The following ADGRD1 variants were observed in gnomAD, a reference collection of about 807,000 sequenced individuals.
The protein encoded by ADGRD1 is adhesion G protein-coupled receptor D1.
A neutral mutation model predicts 113.4 loss-of-function variants in ADGRD1; 77 were observed. The observed-to-expected ratio is 0.68, with a 90% CI of 0.57 to 0.82. ADGRD1 has a LOEUF of 0.82. Ranked by LOEUF, ADGRD1 falls within the 40% of genes least tolerant of loss-of-function variation. The pLI, the probability that ADGRD1 is intolerant of heterozygous loss-of-function variation, is 0.00. For synonymous variants in ADGRD1, 474 were observed against 475.0 expected (o/e 1.00, Z 0.03); for missense variants, 1,036 against 1,139.1 (o/e 0.91, Z 1.30).
intron 8 of ADGRD1, 178 bp downstream of exon 8, chr12:130,992,570 C>A (rs1417445955): frequency 8.7e-6 from 5 of 573,830 alleles, no homozygotes; most frequent in Non-Finnish European, 1.2e-5. Context: ...CAGCTCTGTA[C>A]AGCTCAGCGG....
intron 4 of ADGRD1, among the ~76,000 whole-genome samples, chr12:130,974,708 A>G (rs1565993149): frequency 6.6e-6 from 1 of 152,110 alleles, no homozygotes; most frequent in East Asian, 1.9e-4. Context: ...ATTTTCAGCG[A>G]TTTTTTAACA....
rs550310653 is a variant in ADGRD1, at chr12:131,131,386, C to T, written c.2176-339C>T. Among the ~76,000 whole-genome samples, 12 of 152,310 alleles carry T rather than the reference C, an allele frequency of 7.9e-5. No individual in the cohort carries two copies. The East Asian group carries it at 1.7e-3, about 22-fold the overall frequency. On this transcript the variant is annotated intron_variant, in intron 20 of 24. Coordinates refer to ENST00000261654, the MANE Select transcript of ADGRD1 (RefSeq NM_198827.5). ...CTCATCACCTGGGGCACTGAGGCTCCGAGGACCTGGGTGAGTTGCCCAGGG... is the reference window on the plus strand; with the variant it reads ...CTCATCACCTGGGGCACTGAGGCTCTGAGGACCTGGGTGAGTTGCCCAGGG...
At chr12:131,063,442 A>G (rs1884495037) in intron 13 of ADGRD1, among the ~76,000 whole-genome samples, 1 of 152,130 alleles carries the variant, frequency 6.6e-6, no homozygotes, top group Non-Finnish European at 1.5e-5. Flanking sequence ...TTTATTTTTT[A>G]CATTTAATCT....
chr12:131,002,628 A>T (rs1229983694), intron 9 of ADGRD1: 1 of 1,100,292 alleles, frequency 9.1e-7, no homozygotes, highest in African/African-American at 1.7e-5. Context: ...GGCAGTGTCT[A>T]CCAGGATCCT....
chr12:131,103,888 A>G (rs1950158911), intron 15 of ADGRD1, among the ~76,000 whole-genome samples: 2 of 152,140 alleles, frequency 1.3e-5, no homozygotes, highest in South Asian at 4.1e-4. Flanking sequence ...GCCCTCCTGC[A>G]CGTGAGCAGC....
At position 131,075,686 on chromosome 12, in the gene ADGRD1, G is replaced by C. The variant is rs1315230441; in HGVS notation, c.1474-1115G>C. ...GTGGGGTCCGAGGTGCCTGTCAGGGGCACCAGAGCTGCTGCTTCCTGGGAA... is the reference window on the plus strand; with the variant it reads ...GTGGGGTCCGAGGTGCCTGTCAGGGCCACCAGAGCTGCTGCTTCCTGGGAA... On this transcript the variant is annotated intron_variant, in intron 13 of 24. Coordinates refer to ENST00000261654, the MANE Select transcript of ADGRD1 (RefSeq NM_198827.5). This position sits in a 1 kb window ranked among gnomAD's most constrained non-coding sequence, Gnocchi z 5.3. Among the ~76,000 whole-genome samples the C allele has an allele frequency of 6.6e-6, 1 of 152,216 alleles. No homozygotes were observed. Among genetic ancestry groups the C allele is most frequent in the African/African-American group, 2.4e-5 (1 of 41,446 alleles).
At chr12:131,034,579 GGA>G (rs1881171780) in intron 13 of ADGRD1, among the ~76,000 whole-genome samples, 1 of 152,226 alleles carries the variant, frequency 6.6e-6, no homozygotes, top group Non-Finnish European at 1.5e-5. Flanking sequence ...GAGAAGAGCA[GGA>G]GAGAGAGGGA....
At chr12:131,103,111 AG>A (rs1197786658) in intron 15 of ADGRD1, among the ~76,000 whole-genome samples, 11 of 152,244 alleles carry the variant, frequency 7.2e-5, no homozygotes, top group Admixed American at 6.5e-4. Context: ...AGGGAAGTCC[AG>A]CCCCTGGGAA....
In ADGRD1 at chr12:131,139,342, A is replaced by G. The variant is rs1951190381; in HGVS notation, c.*79A>G. ...AGAATGAAATGCCCCACCTTTGCCC[A>G]TGGACCCTCTCCTTGCTGCTGTCTG... On this transcript the variant is annotated 3_prime_UTR_variant, in exon 25 of 25. Transcript: ENST00000261654. 1.0e-6 allele frequency: 1 copy of G among 965,480 alleles called. No homozygotes were observed. Among genetic ancestry groups the G allele is most frequent in the Non-Finnish European group, 1.6e-6 (1 of 626,696 alleles). 59.8% of individuals were successfully genotyped at this position (965,480 alleles called of 1,614,324 possible).
rs1468814007 is a variant in ADGRD1, at chr12:131,104,865, T to A, written c.1706T>A (p.Ile569Asn). 2 of 1,550,534 alleles carry A rather than the reference T, an allele frequency of 1.3e-6. No individual in the cohort carries two copies. Among genetic ancestry groups the A allele is most frequent in the Non-Finnish European group, 1.7e-6 (2 of 1,147,180 alleles). The change falls in exon 16 of 25, where the codon ATC becomes AAC. Residue 569 changes from isoleucine to asparagine, a missense_variant. By Grantham distance (149) the Ile-to-Asn change is moderately radical. Coordinates refer to ENST00000261654, the MANE Select transcript of ADGRD1 (RefSeq NM_198827.5). ...ARGHQVALSSISYVGCSLSVL... is the reference protein window; with the variant it reads ...ARGHQVALSSNSYVGCSLSVL... ...GGACACCAGGTGGCGCTGTCGTCTA[T>A]CAGCTATGTGGGCTGCTCCCTCTCC...
At chr12:131,031,347 G>A (rs1281887078) in intron 13 of ADGRD1, among the ~76,000 whole-genome samples, 1 of 152,222 alleles carries the variant, frequency 6.6e-6, no homozygotes, top group African/African-American at 2.4e-5. Flanking sequence ...TTAGCCTCTT[G>A]CAGGTCTGAG....
intron 12 of ADGRD1, 44 bp downstream of exon 12, chr12:131,006,091 G>A (rs764629215): frequency 2.3e-5 from 36 of 1,535,110 alleles, no homozygotes; most frequent in Non-Finnish European, 2.7e-5. Context: ...GGTGTGCGTG[G>A]GTTTGCTGGG....
chr12:131,139,085 C>A, intron 24 of ADGRD1, 83 bp from the exon 25 acceptor site: 2 of 1,034,334 alleles, frequency 1.9e-6, no homozygotes, highest in Non-Finnish European at 2.9e-6. Flanking sequence ...CAGCTATGGG[C>A]CCAATGCTCC....
chr12:131,127,692 T>G (rs35978724), intron 20 of ADGRD1, among the ~76,000 whole-genome samples: 3 of 137,456 alleles, frequency 2.2e-5, no homozygotes. Flanking sequence ...GTGTTGATTG[T>G]GTTGGTTGTG....
At chr12:130,996,983 G>C (rs1253621080) in intron 8 of ADGRD1, among the ~76,000 whole-genome samples, 3 of 135,446 alleles carry the variant, frequency 2.2e-5, no homozygotes, top group African/African-American at 2.9e-5. Context: ...CCTCCCTCCC[G>C]GATGGGGCGG....
In ADGRD1 at chr12:131,027,272, T is replaced by C. The variant is rs968546898; in HGVS notation, c.1473+12932T>C. The C allele has an allele frequency of 2.6e-5, 4 of 152,132 alleles. No individual in the cohort carries two copies. Among genetic ancestry groups the C allele is most frequent in the Non-Finnish European group, 5.9e-5 (4 of 68,010 alleles). 9.4% of individuals were successfully genotyped at this position (152,132 alleles called of 1,614,324 possible). A position where few individuals can be genotyped will look rare whatever the true frequency, so the allele number is the denominator to read the frequency against. ...CCCTCAGAGATGACCAGTGTCAACA[T>C]TGTGGTGACTTCTTTCGGGGCTTCT... On this transcript the variant is annotated intron_variant, in intron 13 of 24. Coordinates refer to ENST00000261654, the MANE Select transcript of ADGRD1 (RefSeq NM_198827.5). The surrounding 1 kb of genome is among the most constrained non-coding windows in gnomAD (Gnocchi z 5.1).
chr12:131,102,717 G>C (rs1950117312), intron 15 of ADGRD1, among the ~76,000 whole-genome samples: 1 of 152,308 alleles, frequency 6.6e-6, no homozygotes, highest in Admixed American at 6.5e-5. Flanking sequence ...CCTGCTGCAG[G>C]GAAGCCCACG....
intron 15 of ADGRD1, among the ~76,000 whole-genome samples, chr12:131,094,918 C>T (rs531584453): frequency 2.0e-5 from 3 of 152,286 alleles, no homozygotes; most frequent in African/African-American, 4.8e-5. Context: ...CCGGGGGAGG[C>T]GCAGGGGCAT....
chr12:131,094,942 C>A (rs1039461129), intron 15 of ADGRD1, among the ~76,000 whole-genome samples: 1 of 152,156 alleles, frequency 6.6e-6, no homozygotes, highest in Non-Finnish European at 1.5e-5. Context: ...TCCTTCCACC[C>A]CCTCCCGTCT....
Sources: gnomAD v4.1 joint callset for allele counts (sites outside exome capture counted in the v4.1 genomes callset) on GRCh38, gnomAD v4.1.1 for gene constraint, Gnocchi (gnomAD v3.1) non-coding constraint, MANE v1.5 for transcripts, NCBI Gene and HGNC (gene_info 2026-07-23, HGNC 2026-07-21) for gene names.